Variants in TBXAS1 observed in about 807,000 individuals in gnomAD.
The protein encoded by TBXAS1 is thromboxane-A synthase.
In TBXAS1, 48 loss-of-function variants were observed where a neutral mutation model predicts 60.7. The observed-to-expected ratio is 0.79, with a 90% CI of 0.63 to 1.01. The LOEUF (loss-of-function observed/expected upper bound fraction) is 1.01. Among genes scored for constraint, TBXAS1 ranks in the 50% least tolerant of loss-of-function variants. The probability of loss-of-function intolerance (pLI) is 0.00; values close to 1 mark genes in which losing one functional copy is unlikely to be tolerated. For synonymous variants in TBXAS1, 287 were observed against 269.7 expected, an observed-to-expected ratio of 1.06 and a Z score of -0.63; for missense variants, 685 against 686.3, an observed-to-expected ratio of 1.00 and a Z score of 0.02.
intron 11 of TBXAS1, among the ~76,000 whole-genome samples, chr7:140,016,189 G>A (rs562448613): frequency 2.4e-4 from 36 of 152,034 alleles, no homozygotes; most frequent in Middle Eastern, 3.4e-3. Context: ...TTAGCTGGGC[G>A]TGGTGGCGGG....
chr7:139,886,560 G>C (rs969120140), intron 3 of TBXAS1, among the ~76,000 whole-genome samples: 2 of 151,984 alleles, frequency 1.3e-5, no homozygotes, highest in African/African-American at 4.8e-5. Flanking sequence ...TGGCCTACTG[G>C]AGATGTGGGC....
intron 4 of TBXAS1, among the ~76,000 whole-genome samples, chr7:139,929,263 A>G (rs1200015978): frequency 1.3e-5 from 2 of 152,252 alleles, no homozygotes; most frequent in East Asian, 1.9e-4. Context: ...GTGAGCGCAC[A>G]CTTGGACAAG....
At chr7:139,980,897 A>G (rs969988134) in intron 9 of TBXAS1, among the ~76,000 whole-genome samples, 40 of 151,842 alleles carry the variant, frequency 2.6e-4, no homozygotes, top group African/African-American at 8.7e-4. Context: ...CCTCCCTTCC[A>G]GAACAGACAC....
intron 9 of TBXAS1, among the ~76,000 whole-genome samples, chr7:139,969,539 G>A (rs950378151): frequency 6.6e-6 from 1 of 151,024 alleles, no homozygotes; most frequent in African/African-American, 2.4e-5. Context: ...CACAGGGAAA[G>A]GGTTGAGCAG....
intron 3 of TBXAS1, among the ~76,000 whole-genome samples, chr7:139,886,188 C>T (rs1377998119): frequency 1.3e-5 from 2 of 152,086 alleles, no homozygotes; most frequent in Non-Finnish European, 1.5e-5. Context: ...GATTATTCTT[C>T]GTATCTCAAG....
chr7:139,901,250 G>A (rs1427714904), intron 3 of TBXAS1, among the ~76,000 whole-genome samples: 1 of 150,444 alleles, frequency 6.6e-6, no homozygotes, highest in Non-Finnish European at 1.5e-5. Flanking sequence ...GTTTTCTCAC[G>A]AGATTCATAA....
intron 9 of TBXAS1, among the ~76,000 whole-genome samples, chr7:140,002,433 G>A (rs577449037): frequency 1.3e-5 from 2 of 152,262 alleles, no homozygotes; most frequent in African/African-American, 4.8e-5. Context: ...GTCCTTTCCC[G>A]GGACGGGGAG....
At chr7:139,815,320 G>T (rs1798118417) in intron 4 of TBXAS1, among the ~76,000 whole-genome samples, 1 of 152,198 alleles carries the variant, frequency 6.6e-6, no homozygotes, top group East Asian at 1.9e-4. Context: ...GGAGCTCCTA[G>T]AACTTATCTT....
Position 139,953,648 on chromosome 7 carries a change from C to T in TBXAS1, c.539+192C>T, listed in dbSNP as rs1021127344. 3 of 584,466 alleles carry T rather than the reference C, an allele frequency of 5.1e-6. No homozygotes were observed. In the African/African-American group the frequency reaches 5.6e-5, roughly 11 times the overall value. 36.2% of individuals were successfully genotyped at this position (584,466 alleles called of 1,614,324 possible). ...CATGGGAAAGAGATGTGAGCAGAGC[C>T]AGGGTACGTGCGTCCTGTCGAACCT... On this transcript the variant is annotated intron_variant, in intron 6 of 12. Coordinates refer to ENST00000448866, the MANE Select transcript of TBXAS1 (RefSeq NM_001061.7).
At chr7:139,993,590 A>G (rs1009879339) in intron 9 of TBXAS1, among the ~76,000 whole-genome samples, 7 of 152,162 alleles carry the variant, frequency 4.6e-5, no homozygotes, top group African/African-American at 1.4e-4. Context: ...GTGTGACCCG[A>G]GAAGCATGCT....
chr7:139,871,757 T>C (rs1224388473), intron 1 of TBXAS1, among the ~76,000 whole-genome samples: 1 of 152,176 alleles, frequency 6.6e-6, no homozygotes, highest in African/African-American at 2.4e-5. Flanking sequence ...GGGAATGTGA[T>C]GAGGGACAAA....
At chr7:140,014,728 G>A (rs1011767452) in intron 10 of TBXAS1, among the ~76,000 whole-genome samples, 2 of 151,904 alleles carry the variant, frequency 1.3e-5, no homozygotes, top group Non-Finnish European at 2.9e-5. Flanking sequence ...GACCAACATG[G>A]TGAAACCACC....
chr7:139,957,017 T>C (rs1809919095), intron 7 of TBXAS1, among the ~76,000 whole-genome samples: 1 of 152,162 alleles, frequency 6.6e-6, no homozygotes, highest in African/African-American at 2.4e-5. Context: ...AGTGCCCCTC[T>C]CCAGGGGAGA....
chr7:139,827,920 C>T (rs891533172), upstream of TBXAS1, among the ~76,000 whole-genome samples: 6 of 152,190 alleles, frequency 3.9e-5, no homozygotes, highest in Admixed American at 6.5e-5. Context: ...AGATTCTTTC[C>T]TTTGTCTCAA....
At chr7:140,011,353 G>T (rs527320199) in intron 10 of TBXAS1, among the ~76,000 whole-genome samples, 118 of 149,022 alleles carry the variant, frequency 7.9e-4, no homozygotes, top group South Asian at 2.4e-3. Flanking sequence ...GAAAAAAAAG[G>T]CCCCCTGCCA....
At chr7:139,804,543 G>T (rs1042577860) in intron 4 of TBXAS1, among the ~76,000 whole-genome samples, 1 of 152,094 alleles carries the variant, frequency 6.6e-6, no homozygotes, top group Non-Finnish European at 1.5e-5. Flanking sequence ...GATGTGGGAG[G>T]GGCCAGGGGC....
At chr7:139,946,733 T>C (rs1234029995) in intron 5 of TBXAS1, among the ~76,000 whole-genome samples, 3 of 152,192 alleles carry the variant, frequency 2.0e-5, no homozygotes, top group Non-Finnish European at 2.9e-5. Context: ...CCAAGTGTTT[T>C]GCATATTTTG....
intron 3 of TBXAS1, among the ~76,000 whole-genome samples, chr7:139,907,004 C>A (rs1386865096): frequency 6.6e-6 from 1 of 152,000 alleles, no homozygotes; most frequent in Non-Finnish European, 1.5e-5. Context: ...TTTATTTATT[C>A]CTTTTCAGTC....
intron 9 of TBXAS1, among the ~76,000 whole-genome samples, chr7:140,006,771 G>A (rs564044607): frequency 3.9e-5 from 6 of 152,332 alleles, no homozygotes; most frequent in African/African-American, 1.2e-4. Flanking sequence ...ATGCGGTAAC[G>A]TCTATGCTGC....
Sources: gnomAD v4.1 joint callset for allele counts (sites outside exome capture counted in the v4.1 genomes callset) on GRCh38, gnomAD v4.1.1 for gene constraint, MANE v1.5 for transcripts, NCBI Gene and HGNC (gene_info 2026-07-23, HGNC 2026-07-21) for gene names.